Variants in HUNK observed in about 807,000 individuals in gnomAD.
The protein encoded by HUNK is hormonally up-regulated Neu-associated kinase, also known as hormonally up-regulated neu tumor-associated kinase.
HUNK carries 21 observed loss-of-function variants against 61.0 expected under a neutral mutation model. The ratio of observed to expected loss-of-function variants is 0.34; its 90% confidence interval spans 0.24 to 0.50. The LOEUF (loss-of-function observed/expected upper bound fraction) is 0.50. Among genes scored for constraint, HUNK ranks in the 20% least tolerant of loss-of-function variants. HUNK has a pLI of 0.98. For missense variants in HUNK, 772 were observed against 945.7 expected, an observed-to-expected ratio of 0.82 and a Z score of 2.41; for synonymous variants, 371 against 386.1, an observed-to-expected ratio of 0.96 and a Z score of 0.46.
chr21:31,916,043 C>CTTTTTTTTTTTTT (rs34245381), intron 1 of HUNK, among the ~76,000 whole-genome samples: 1 of 81,772 alleles, frequency 1.2e-5, no homozygotes, highest in Non-Finnish European at 2.1e-5. Context: ...TAAGTGCTTT[C>CTTTTTTTTTTTTT]TTTTTTTTTT....
intron 1 of HUNK, among the ~76,000 whole-genome samples, chr21:31,921,309 G>A (rs183404890): frequency 4.1e-4 from 63 of 152,188 alleles, no homozygotes; most frequent in Admixed American, 3.3e-4. Flanking sequence ...TGTCGTGAAG[G>A]GGGAGTGGTC....
intron 2 of HUNK, among the ~76,000 whole-genome samples, chr21:31,933,423 G>A (rs1403424063): frequency 6.6e-6 from 1 of 152,014 alleles, no homozygotes; most frequent in African/African-American, 2.4e-5. Flanking sequence ...GCCAAGGTGG[G>A]AGGATCACCT....
chr21:31,893,042 C>T (rs149280621), intron 1 of HUNK, among the ~76,000 whole-genome samples: 3 of 152,222 alleles, frequency 2.0e-5, no homozygotes, highest in South Asian at 4.2e-4. Flanking sequence ...TCCCTCCACC[C>T]GTCTACTTAT....
intron 4 of HUNK, among the ~76,000 whole-genome samples, chr21:31,957,263 C>T (rs905993718): frequency 6.6e-6 from 1 of 152,204 alleles, no homozygotes; most frequent in African/African-American, 2.4e-5. Context: ...GTCCCCAGTA[C>T]CCAGCACCTA....
intron 1 of HUNK, among the ~76,000 whole-genome samples, chr21:31,908,363 G>A (rs927979295): frequency 5.9e-5 from 9 of 152,036 alleles, no homozygotes; most frequent in African/African-American, 2.2e-4. Context: ...CTCAGCGCGT[G>A]AAAGTGCTGA....
chr21:31,903,010 C>G (rs907450562), intron 1 of HUNK, among the ~76,000 whole-genome samples: 2 of 150,266 alleles, frequency 1.3e-5, no homozygotes, highest in African/African-American at 4.9e-5. Context: ...CTTTTTTTTT[C>G]TCGGTGCGGG....
intron 2 of HUNK, among the ~76,000 whole-genome samples, chr21:31,939,814 C>G (rs188539470): frequency 6.6e-6 from 1 of 151,590 alleles, no homozygotes; most frequent in Non-Finnish European, 1.5e-5. Flanking sequence ...TTTGCCTGGC[C>G]GCTCAGGCTG....
chr21:31,992,960 G>A (rs2053181146), intron 9 of HUNK, among the ~76,000 whole-genome samples: 1 of 152,162 alleles, frequency 6.6e-6, no homozygotes, highest in Non-Finnish European at 1.5e-5. Context: ...TTAGACACCA[G>A]TTACTATGAA....
rs145741350 is a variant in HUNK, at chr21:31,962,179, G to A, written c.874+3209G>A. On this transcript the variant is annotated intron_variant, in intron 5 of 10. Transcript: ENST00000270112. ...GAAGCTTTCTAAAACATGGCATGCG[G>A]CTTCACCCAACTAAAGAGAATGGGG... Among the ~76,000 whole-genome samples the A allele has an allele frequency of 7.8e-3, 1,190 of 152,278 alleles. 15 individuals carry two copies. Among genetic ancestry groups the A allele is most frequent in the African/African-American group, 0.027 (1,138 of 41,542 alleles).
intron 1 of HUNK, among the ~76,000 whole-genome samples, chr21:31,880,085 C>T (rs550082145): frequency 5.3e-5 from 8 of 152,198 alleles, no homozygotes; most frequent in Admixed American, 2.0e-4. Context: ...TCTGTGAATT[C>T]GAGACAGCTG....
intron 4 of HUNK, among the ~76,000 whole-genome samples, chr21:31,954,941 CCTGG>C (rs757576153): frequency 3.3e-5 from 5 of 152,092 alleles, no homozygotes; most frequent in Admixed American, 2.0e-4. Context: ...TGCCACCATG[CCTGG>C]CTAATTTTGG....
chr21:31,943,799 G>A (rs1348538380), intron 3 of HUNK, among the ~76,000 whole-genome samples: 1 of 152,210 alleles, frequency 6.6e-6, no homozygotes, highest in Non-Finnish European at 1.5e-5. Flanking sequence ...GGGTGGTGAG[G>A]AAGTGAACAG....
chr21:32,003,980 A>G lies in HUNK; in HGVS notation c.*4796A>G, dbSNP rs1698625623. 1 of 152,198 alleles carries G rather than the reference A, an allele frequency of 6.6e-6. No individual in the cohort carries two copies. The highest frequency in any genetic ancestry group is 1.5e-5 in the Non-Finnish European group (1 of 68,038). The allele number at this position is 152,198 out of a possible 1,614,324, so 9.4% of individuals were successfully genotyped here. A position where few individuals can be genotyped will look rare whatever the true frequency, so the allele number is the denominator to read the frequency against. ...TTATGTGGAGCAAACTTGAGGATCAATTGGAGTTGAGTGGTTTAAAACTTA... is the reference window on the plus strand; with the variant it reads ...TTATGTGGAGCAAACTTGAGGATCAGTTGGAGTTGAGTGGTTTAAAACTTA... On this transcript the variant is annotated 3_prime_UTR_variant, in exon 11 of 11. Coordinates refer to ENST00000270112, the MANE Select transcript of HUNK (RefSeq NM_014586.2).
intron 1 of HUNK, among the ~76,000 whole-genome samples, chr21:31,909,526 TTTG>T (rs1215886983): frequency 2.0e-5 from 3 of 152,174 alleles, no homozygotes; most frequent in Admixed American, 2.0e-4. Flanking sequence ...CCTAATGAGC[TTTG>T]TTGTTTAAAC....
At chr21:31,875,493 C>A (rs2052254548) in intron 1 of HUNK, among the ~76,000 whole-genome samples, 1 of 149,494 alleles carries the variant, frequency 6.7e-6, no homozygotes, top group South Asian at 2.2e-4. Flanking sequence ...TTGAGTAAGT[C>A]TTCAAAGAAA....
At chr21:31,906,019 C>T (rs1231827407) in intron 1 of HUNK, among the ~76,000 whole-genome samples, 1 of 152,060 alleles carries the variant, frequency 6.6e-6, no homozygotes, top group Non-Finnish European at 1.5e-5. Context: ...TGTGTCTCTC[C>T]CTCCCCTGGG....
At chr21:31,966,462 A>G (rs1316367484) in intron 5 of HUNK, among the ~76,000 whole-genome samples, 1 of 152,172 alleles carries the variant, frequency 6.6e-6, no homozygotes, top group African/African-American at 2.4e-5. Context: ...ACTACCCACT[A>G]TTGAAAGGGA....
At position 31,873,737 on chromosome 21, in the gene HUNK, C is replaced by G. The variant is rs1415361881; in HGVS notation, c.63C>G (p.Gly21=). 1 of 1,269,624 alleles carries G rather than the reference C, an allele frequency of 7.9e-7. No homozygotes were observed. Among genetic ancestry groups the G allele is most frequent in the Non-Finnish European group, 9.9e-7 (1 of 1,008,400 alleles). The allele number at this position is 1,269,624 out of a possible 1,614,324, so 78.6% of individuals were successfully genotyped here. ...GEPAAPGGGG[G]AEDAARPAAA... Reference sequence around the variant, plus strand: ...CGGCGGCGCCTGGGGGCGGCGGCGGCGCGGAGGACGCGGCCAGGCCCGCGG... The same window carrying G: ...CGGCGGCGCCTGGGGGCGGCGGCGGGGCGGAGGACGCGGCCAGGCCCGCGG... Residue 21 remains glycine, a synonymous_variant, in exon 1 of 11, where the codon GGC becomes GGG. Coordinates refer to ENST00000270112, the MANE Select transcript of HUNK (RefSeq NM_014586.2). This position sits in a 1 kb window ranked among gnomAD's most constrained non-coding sequence, Gnocchi z 6.1.
intron 7 of HUNK, among the ~76,000 whole-genome samples, chr21:31,982,465 C>A (rs77267640): frequency 0.036 from 5,487 of 152,258 alleles, 137 homozygotes; most frequent in Middle Eastern, 0.068. Context: ...TTTTGAAGCC[C>A]AATCTAGTGA....
Sources: allele counts gnomAD v4.1 joint callset (sites outside exome capture counted in the v4.1 genomes callset), GRCh38; gene constraint gnomAD v4.1.1; non-coding constraint Gnocchi (gnomAD v3.1); transcripts MANE v1.5; gene names NCBI Gene and HGNC (gene_info 2026-07-23, HGNC 2026-07-21).